DCAF5: variants seen among roughly 807,000 people sequenced by gnomAD.
The protein encoded by DCAF5 is DDB1- and CUL4-associated factor 5.
DCAF5 carries 9 observed loss-of-function variants against 80.7 expected under a neutral mutation model. The observed-to-expected ratio is 0.11, with a 90% confidence interval of 0.07 to 0.19. The LOEUF (loss-of-function observed/expected upper bound fraction) is 0.19, where lower values mean the gene tolerates loss of function less well. Ranked by LOEUF, DCAF5 falls within the 10% of genes least tolerant of loss-of-function variation. DCAF5 has a pLI of 1.00. For missense variants in DCAF5, 842 were observed against 1,205.7 expected, an observed-to-expected ratio of 0.70 and a Z score of 4.47; for synonymous variants, 433 against 461.9, an observed-to-expected ratio of 0.94 and a Z score of 0.80.
intron 1 of DCAF5, among the ~76,000 whole-genome samples, chr14:69,140,958 AC>A (rs1227511927): frequency 1.3e-5 from 2 of 151,760 alleles, no homozygotes; most frequent in Non-Finnish European, 2.9e-5. Flanking sequence ...ACACGGTGAA[AC>A]CCCGTCTTTA....
At chr14:69,085,375 C>A in intron 6 of DCAF5, 2 of 608,166 alleles carry the variant, frequency 3.3e-6, no homozygotes, top group Admixed American at 2.3e-5. Context: ...CAACCGCAGG[C>A]AGTTCTCTCA....
At chr14:69,151,723 C>A (rs2041711317) in intron 1 of DCAF5, among the ~76,000 whole-genome samples, 1 of 152,106 alleles carries the variant, frequency 6.6e-6, no homozygotes, top group East Asian at 1.9e-4. Flanking sequence ...GCGCCCCCAC[C>A]GGCAGCAGGC....
chr14:69,052,807 G>C lies in DCAF5; in HGVS notation c.*1050C>G, dbSNP rs1165837523. ...AGCCTCTATCAACTGCAAGTCTGAGGGAAGATGCCAGTCCCACCAATTCTG... is the reference window on the plus strand; with the variant it reads ...AGCCTCTATCAACTGCAAGTCTGAGCGAAGATGCCAGTCCCACCAATTCTG... On this transcript the variant is annotated 3_prime_UTR_variant, in exon 9 of 9. Coordinates refer to ENST00000341516, the MANE Select transcript of DCAF5 (RefSeq NM_003861.3). 3 of 152,258 alleles carry C rather than the reference G, an allele frequency of 2.0e-5. No homozygotes were observed. The highest frequency in any genetic ancestry group is 4.4e-5 in the Non-Finnish European group (3 of 68,076). The allele number at this position is 152,258 out of a possible 1,614,324, so 9.4% of individuals were successfully genotyped here. A position where few individuals can be genotyped will look rare whatever the true frequency, so the allele number is the denominator to read the frequency against.
chr14:69,066,879 T>C (rs1228542573), intron 7 of DCAF5, among the ~76,000 whole-genome samples: 1 of 152,244 alleles, frequency 6.6e-6, no homozygotes, highest in Admixed American at 6.5e-5. Flanking sequence ...GTCAAGTTCA[T>C]TTGCTTCATG....
chr14:69,060,823 C>A (rs1046677868), intron 8 of DCAF5, among the ~76,000 whole-genome samples: 1 of 152,170 alleles, frequency 6.6e-6, no homozygotes, highest in Non-Finnish European at 1.5e-5. Flanking sequence ...TGAGCCACCA[C>A]GCCTGGCCTC....
chr14:69,153,065 C>A lies in DCAF5; in HGVS notation c.-87G>T, dbSNP rs914405635. On this transcript the variant is annotated 5_prime_UTR_variant, in exon 1 of 9. Coordinates refer to ENST00000341516, the MANE Select transcript of DCAF5 (RefSeq NM_003861.3). Reference sequence around the variant, plus strand: ...CTGCTCCCCCCACCCGGCCCTCCCCCCGCGCTGCGATCCGGATGGTTCTTT... The same window carrying A: ...CTGCTCCCCCCACCCGGCCCTCCCCACGCGCTGCGATCCGGATGGTTCTTT... 8.0e-5 allele frequency: 86 copies of A among 1,070,822 alleles called. No individual in the cohort carries two copies. Among genetic ancestry groups the A allele is most frequent in the Non-Finnish European group, 8.9e-5 (71 of 797,318 alleles). The allele number at this position is 1,070,822 out of a possible 1,614,324, so 66.3% of individuals were successfully genotyped here.
At chr14:69,107,330 A>T in intron 5 of DCAF5, among the ~76,000 whole-genome samples, 1 of 152,214 alleles carries the variant, frequency 6.6e-6, no homozygotes, top group East Asian at 1.9e-4. Context: ...AGCAAATTCA[A>T]CATGGACCTC....
intron 1 of DCAF5, among the ~76,000 whole-genome samples, chr14:69,129,934 TG>T (rs1595049214): frequency 6.6e-6 from 1 of 152,208 alleles, no homozygotes; most frequent in South Asian, 2.1e-4. Flanking sequence ...TTTGGTTTTT[TG>T]GGTTGGTTTC....
intron 1 of DCAF5, among the ~76,000 whole-genome samples, chr14:69,131,270 T>A (rs536370323): frequency 1.3e-5 from 2 of 152,282 alleles, no homozygotes; most frequent in East Asian, 1.9e-4. Flanking sequence ...TCTTTTTTTT[T>A]AACTGTGAAG....
intron 6 of DCAF5, among the ~76,000 whole-genome samples, chr14:69,076,215 G>C (rs557440998): frequency 6.6e-6 from 1 of 152,254 alleles, no homozygotes. Context: ...TGCAACTGCT[G>C]TGGAAAACAA....
intron 5 of DCAF5, among the ~76,000 whole-genome samples, chr14:69,100,930 G>A (rs1001202809): frequency 3.3e-5 from 5 of 152,116 alleles, no homozygotes; most frequent in African/African-American, 1.2e-4. Flanking sequence ...TCACTGAAGG[G>A]ATTATATCAA....
At chr14:69,078,245 G>A (rs1053649169) in intron 6 of DCAF5, among the ~76,000 whole-genome samples, 3 of 152,116 alleles carry the variant, frequency 2.0e-5, no homozygotes, top group Admixed American at 2.0e-4. Flanking sequence ...CAAAGAAGTA[G>A]AACATGGCCA....
chr14:69,126,250 C>T (rs1018577565), intron 1 of DCAF5, among the ~76,000 whole-genome samples: 1 of 151,298 alleles, frequency 6.6e-6, no homozygotes, highest in African/African-American at 2.4e-5. Flanking sequence ...CTCTGCCTCC[C>T]GGGTTCAAGC....
chr14:69,099,289 CA>C (rs2039863963), intron 5 of DCAF5, among the ~76,000 whole-genome samples: 1 of 150,108 alleles, frequency 6.7e-6, no homozygotes, highest in African/African-American at 2.5e-5. Flanking sequence ...CACACACACA[CA>C]CACACACACA....
rs941179507 is a variant in DCAF5 at position 69,059,508 on chromosome 14, G to A, written c.1074+2876C>T. Among the ~76,000 whole-genome samples the A allele has an allele frequency of 5.9e-5, 9 of 152,294 alleles. 1 individual carries two copies. In the South Asian group the frequency reaches 1.9e-3, roughly 32 times the overall value. On this transcript the variant is annotated intron_variant, in intron 8 of 8. Transcript: ENST00000341516. ...ACAGGTAATTCACAAGGCACTCCTG[G>A]GTGGTAAGTCACTGTCAGCACCCTC...
chr14:69,084,080 C>A (rs2039223193), intron 6 of DCAF5: 2 of 789,322 alleles, frequency 2.5e-6, no homozygotes, highest in East Asian at 4.9e-5. Context: ...CAGCTTTTCT[C>A]ATCCTGCAGC....
rs1175591472 is a variant in DCAF5 at position 69,069,587 on chromosome 14, C to A, written c.946+5758G>T. ...CAACTGGGACTACAGGCATATGCCA[C>A]CATGCCCAGTTTTCTTTCTGTTCTC... is the stretch of plus-strand genomic sequence containing the variant. On this transcript the variant is annotated intron_variant, in intron 7 of 8. Transcript: ENST00000341516. Among the ~76,000 whole-genome samples the A allele has an allele frequency of 2.6e-5, 4 of 152,220 alleles. No homozygotes were observed. The East Asian group carries it at 7.7e-4, about 29-fold the overall frequency.
At chr14:69,089,824 T>G (rs1376529041) in intron 6 of DCAF5, 1 of 616,040 alleles carries the variant, frequency 1.6e-6, no homozygotes, top group Non-Finnish European at 2.0e-6. Flanking sequence ...CGGCTTCTAG[T>G]AGGAAGAGGC....
chr14:69,132,034 A>C (rs954266544), intron 1 of DCAF5, among the ~76,000 whole-genome samples: 6 of 152,144 alleles, frequency 3.9e-5, no homozygotes, highest in Non-Finnish European at 8.8e-5. Context: ...TTGTTTATCT[A>C]TTCATCCACT....
Sources: gnomAD v4.1 joint callset for allele counts (sites outside exome capture counted in the v4.1 genomes callset) on GRCh38, gnomAD v4.1.1 for gene constraint, MANE v1.5 for transcripts, NCBI Gene and HGNC (gene_info 2026-07-23, HGNC 2026-07-21) for gene names.